Variants in PER3 observed in about 807,000 individuals in gnomAD.
The protein encoded by PER3 is period circadian protein homolog 3.
In PER3, 107 loss-of-function variants were observed where a neutral mutation model predicts 127.2. The observed-to-expected ratio is 0.84, with a 90% CI of 0.72 to 0.99. The LOEUF (loss-of-function observed/expected upper bound fraction) is 0.99, where lower values mean the gene tolerates loss of function less well. Among genes scored for constraint, PER3 ranks in the 50% least tolerant of loss-of-function variants. The probability of loss-of-function intolerance (pLI) is 0.00; values close to 1 mark genes in which losing one functional copy is unlikely to be tolerated. For missense variants in PER3, 1,560 were observed against 1,525.8 expected (o/e 1.02, Z -0.37); for synonymous variants, 618 against 585.8 (o/e 1.05, Z -0.79).
chr1:7,800,882 G>C (rs1015692109), intron 7 of PER3, among the ~76,000 whole-genome samples: 1 of 150,266 alleles, frequency 6.7e-6, no homozygotes, highest in Non-Finnish European at 1.5e-5. Context: ...TTCTCTCTCT[G>C]TTTAAAATTG....
intron 6 of PER3, 150 bp from the exon 7 acceptor site, chr1:7,798,375 T>C: frequency 3.2e-6 from 2 of 620,810 alleles, no homozygotes; most frequent in Non-Finnish European, 5.5e-6. Flanking sequence ...AGCTAACATA[T>C]TCTTTCTTTT....
At chr1:7,791,892 A>G (rs1448845153) in intron 5 of PER3, among the ~76,000 whole-genome samples, 1 of 152,252 alleles carries the variant, frequency 6.6e-6, no homozygotes, top group Non-Finnish European at 1.5e-5. Flanking sequence ...CATTGTCCAT[A>G]TCACTATCAG....
chr1:7,785,658 A>AGT lies in PER3; in HGVS notation c.274+74_274+75dup. 5.4e-6 allele frequency: 7 copies of AGT among 1,300,400 alleles called. No homozygotes were observed. The South Asian group carries it at 9.0e-5, about 17-fold the overall frequency. 80.6% of individuals were successfully genotyped at this position (1,300,400 alleles called of 1,614,324 possible). ...CATACAAGCAGCCAGAGGAGTGGTC[A>AGT]GTGGGGTCTCAGTCAGACAAATAAT... On this transcript the variant is annotated intron_variant, in intron 3 of 21. Coordinates refer to ENST00000377532, the MANE Select transcript of PER3 (RefSeq NM_001377275.1).
chr1:7,816,277 A>G (rs1413910742), intron 13 of PER3, among the ~76,000 whole-genome samples: 1 of 150,512 alleles, frequency 6.6e-6, no homozygotes, highest in East Asian at 1.9e-4. Context: ...AATAAAATTA[A>G]TAAGTCTTTA....
chr1:7,804,089 T>C (rs112822566), intron 10 of PER3: 142 of 355,282 alleles, frequency 4.0e-4, no homozygotes, highest in African/African-American at 2.6e-3. Context: ...TTGCTTGATG[T>C]ATTATTATAT....
At chr1:7,832,919 C>A (rs1448582518) in intron 19 of PER3, among the ~76,000 whole-genome samples, 1 of 151,210 alleles carries the variant, frequency 6.6e-6, no homozygotes, top group Non-Finnish European at 1.5e-5. Flanking sequence ...GCTCACTGCA[C>A]CCTCAAACTT....
In PER3 at chr1:7,784,916, G is replaced by C. The variant is rs755830339; in HGVS notation, c.39G>C (p.Gly13=). ...AAGCTCCTGGCCCCGGGAGACGGGG[G>C]GCTAAGGACGAGGCCCTGGGCGAAG... ...RGEAPGPGRR[G]AKDEALGEES... The change falls in exon 2 of 22, where the codon GGG becomes GGC. Residue 13 remains glycine (G), a synonymous_variant. Transcript: ENST00000377532. 6.5e-7 allele frequency: 1 copy of C among 1,529,188 alleles called. No homozygotes were observed. The highest frequency in any genetic ancestry group is 8.7e-7 in the Non-Finnish European group (1 of 1,151,076). 94.7% of individuals were successfully genotyped at this position (1,529,188 alleles called of 1,614,324 possible). A position where few individuals can be genotyped will look rare whatever the true frequency, so the allele number is the denominator to read the frequency against.
chr1:7,823,893 T>A (rs1334688394), intron 16 of PER3, among the ~76,000 whole-genome samples: 3 of 152,214 alleles, frequency 2.0e-5, no homozygotes, highest in Non-Finnish European at 4.4e-5. Context: ...TACGACATGT[T>A]GGGCTGTACT....
intron 16 of PER3, among the ~76,000 whole-genome samples, chr1:7,823,769 G>A (rs548502316): frequency 1.6e-4 from 24 of 152,162 alleles, no homozygotes; most frequent in African/African-American, 4.3e-4. Flanking sequence ...AGAAACAGAT[G>A]ATCCATACAA....
intron 13 of PER3, among the ~76,000 whole-genome samples, chr1:7,812,574 G>A (rs1313101813): frequency 3.7e-5 from 5 of 136,680 alleles, no homozygotes; most frequent in Middle Eastern, 4.2e-3. Flanking sequence ...GCAGTGAGCC[G>A]AGATCGCGCC....
chr1:7,809,293 G>A (rs2097208980), intron 11 of PER3, among the ~76,000 whole-genome samples: 1 of 152,154 alleles, frequency 6.6e-6, no homozygotes. Context: ...TTTGGCTTCA[G>A]GATTTTTAAA....
intron 4 of PER3, 44 bp downstream of exon 4, chr1:7,786,880 C>T (rs375701253): frequency 1.9e-6 from 2 of 1,051,268 alleles, no homozygotes; most frequent in Admixed American, 3.4e-5. Flanking sequence ...GGTGACTTTT[C>T]CTAAGGGCCT....
intron 19 of PER3, among the ~76,000 whole-genome samples, chr1:7,833,778 C>T (rs1453051609): frequency 6.6e-6 from 1 of 152,142 alleles, no homozygotes; most frequent in Admixed American, 6.5e-5. Flanking sequence ...AATCTTTCAT[C>T]TTGCTACTAA....
chr1:7,837,459 A>T (rs1424028218), intron 21 of PER3, among the ~76,000 whole-genome samples: 1 of 152,182 alleles, frequency 6.6e-6, no homozygotes, highest in Non-Finnish European at 1.5e-5. Context: ...TTGATGTGTG[A>T]TTGACTGCAT....
rs1553301134 is a variant in PER3, at chr1:7,788,924, A to AAT, written c.592+678_592+679insAT. Among the ~76,000 whole-genome samples the AAT allele has an allele frequency of 7.6e-3, 1,121 of 147,608 alleles. 2 individuals are homozygous for AAT. Among genetic ancestry groups the AAT allele is most frequent in the Non-Finnish European group, 0.012 (799 of 66,506 alleles). On this transcript the variant is annotated intron_variant, in intron 5 of 21. Coordinates refer to ENST00000377532, the MANE Select transcript of PER3 (RefSeq NM_001377275.1). ...TTTCTGGGGAAAAAAAAAAAAAAAA[A>AAT]TTCAGATCATTAGCTCTCTTACAGT... is the stretch of plus-strand genomic sequence containing the variant.
At chr1:7,787,421 G>A (rs767820474) in intron 4 of PER3, 12 of 391,636 alleles carry the variant, frequency 3.1e-5, no homozygotes, top group Non-Finnish European at 5.0e-5. Flanking sequence ...TGGAACGTGC[G>A]CAATCCCTAG....
chr1:7,785,398 T>C, intron 2 of PER3, 43 bp from the exon 3 acceptor site: 2 of 1,536,944 alleles, frequency 1.3e-6, no homozygotes, highest in South Asian at 1.1e-5. Flanking sequence ...CAAGATGCTG[T>C]TGTCTTCAGA....
chr1:7,829,989 CA>C lies in PER3; in HGVS notation c.3043del (p.Ser1015AlafsTer10), dbSNP rs2097323147. 2 of 1,539,220 alleles carry C rather than the reference CA, an allele frequency of 1.3e-6. No individual in the cohort carries two copies. Among genetic ancestry groups the C allele is most frequent in the Non-Finnish European group, 1.8e-6 (2 of 1,118,400 alleles). On this transcript the variant is annotated frameshift_variant, in exon 19 of 22. Transcript: ENST00000377532. LOFTEE classifies it high-confidence loss of function. ...TGAAGAATCCATCCCATCCTACTGC[CA>C]GCGCTCTGTCCACAGGATCGCCTCC... ...PMKNPSHPTASALSTGSPPMK... is the reference protein window; with the variant it reads ...PMKNPSHPTAXALSTGSPPMK...
chr1:7,792,264 G>A (rs992598395), intron 5 of PER3, among the ~76,000 whole-genome samples: 2 of 152,100 alleles, frequency 1.3e-5, no homozygotes, highest in Non-Finnish European at 2.9e-5. Flanking sequence ...GCAAAAGGGG[G>A]AAAAGCCTCT....
Sources: allele counts gnomAD v4.1 joint callset (sites outside exome capture counted in the v4.1 genomes callset), GRCh38; gene constraint gnomAD v4.1.1; transcripts MANE v1.5; gene names NCBI Gene and HGNC (gene_info 2026-07-23, HGNC 2026-07-21).